The following EPB41 variants were observed in gnomAD, a reference collection of about 807,000 sequenced individuals.
EPB41 encodes the protein erythrocyte membrane protein band 4.1.
In EPB41, 65 loss-of-function variants were observed where a neutral mutation model predicts 108.0. That is an observed-to-expected ratio of 0.60 (90% CI 0.49 to 0.74). EPB41 has a LOEUF of 0.74. Ranked by LOEUF, EPB41 falls within the 30% of genes least tolerant of loss-of-function variation. The probability of loss-of-function intolerance (pLI) is 0.00; values close to 1 mark genes in which losing one functional copy is unlikely to be tolerated. For missense variants in EPB41, 875 were observed against 1,037.0 expected (o/e 0.84, Z 2.15); for synonymous variants, 336 against 358.9 (o/e 0.94, Z 0.72).
At chr1:29,077,589 G>T (rs913578093) in intron 16 of EPB41, among the ~76,000 whole-genome samples, 2 of 152,090 alleles carry the variant, frequency 1.3e-5, no homozygotes, top group African/African-American at 4.8e-5. Context: ...ACTTTTTCTT[G>T]TGTTTTACGT....
intron 1 of EPB41, among the ~76,000 whole-genome samples, chr1:28,952,197 A>C (rs1420193952): frequency 1.3e-5 from 2 of 151,858 alleles, no homozygotes; most frequent in Non-Finnish European, 2.9e-5. Context: ...TCCTGGAGTG[A>C]GGAGATACTT....
intron 1 of EPB41, among the ~76,000 whole-genome samples, chr1:28,979,395 A>C (rs952271366): frequency 6.6e-6 from 1 of 151,300 alleles, no homozygotes; most frequent in Non-Finnish European, 1.5e-5. Context: ...AATACAAGAG[A>C]TCTCCCCTGC....
At chr1:28,949,402 T>C (rs1232600860) in intron 1 of EPB41, among the ~76,000 whole-genome samples, 1 of 152,158 alleles carries the variant, frequency 6.6e-6, no homozygotes, top group East Asian at 1.9e-4. Context: ...ATGGCATCAC[T>C]GCACTCCAGT....
intron 5 of EPB41, among the ~76,000 whole-genome samples, chr1:29,013,721 G>T (rs1161910589): frequency 6.6e-6 from 1 of 151,712 alleles, no homozygotes; most frequent in Non-Finnish European, 1.5e-5. Flanking sequence ...TAGAGACAGG[G>T]TTTCGCCATG....
Position 29,011,905 on chromosome 1 carries a change from G to A in EPB41, c.827G>A (p.Arg276His), listed in dbSNP as rs141150801. The A allele has an allele frequency of 6.4e-5, 104 of 1,613,970 alleles. No individual in the cohort carries two copies. Among genetic ancestry groups the A allele is most frequent in the Non-Finnish European group, 7.8e-5 (92 of 1,179,980 alleles). Reference protein sequence around the residue: ...DSAKEIKKQVRGVPWNFTFNV... With the variant: ...DSAKEIKKQVHGVPWNFTFNV... ...GCCAAAGAAATAAAAAAGCAGGTTC[G>A]TGGTAAGTGGATATAGCTCTTTTTA... The change falls in exon 5 of 21, where the codon CGT becomes CAT. Residue 276 changes from arginine (R) to histidine (H), a missense_variant and splice_region_variant. Transcript: ENST00000343067.
chr1:28,993,135 A>C (rs1398794810), intron 2 of EPB41, among the ~76,000 whole-genome samples, 195 bp from the exon 3 acceptor site: 1 of 152,142 alleles, frequency 6.6e-6, no homozygotes, highest in Non-Finnish European at 1.5e-5. Context: ...ATTCTACCTG[A>C]GAAGTTTTAA....
Position 29,085,141 on chromosome 1 carries a change from C to CTTTTT in EPB41, c.2185-12650_2185-12646dup, listed in dbSNP as rs527593950. On this transcript the variant is annotated intron_variant, in intron 16 of 20. Transcript: ENST00000343067. ...TCAGTTTTGGAAATACTTTGATCTT[C>CTTTTT]TTTTTTTTTTTTTTTTTTTTGAGTT... Among the ~76,000 whole-genome samples the CTTTTT allele has an allele frequency of 1.6e-3, 183 of 117,248 alleles. 1 individual carries two copies. The highest frequency in any genetic ancestry group is 2.0e-3 in the Non-Finnish European group (114 of 56,786). The allele number at this position is 117,248 out of a possible 152,430, so 76.9% of individuals were successfully genotyped here. A position where few individuals can be genotyped will look rare whatever the true frequency, so the allele number is the denominator to read the frequency against.
chr1:28,991,394 T>A, intron 2 of EPB41, among the ~76,000 whole-genome samples: 1 of 151,484 alleles, frequency 6.6e-6, no homozygotes. Flanking sequence ...TGCAATATGG[T>A]GAAGAGGTTT....
intron 4 of EPB41, among the ~76,000 whole-genome samples, chr1:29,004,557 G>A (rs2096364615): frequency 6.6e-6 from 1 of 152,154 alleles, no homozygotes; most frequent in Non-Finnish European, 1.5e-5. Flanking sequence ...GGCAGTCATG[G>A]TTGTATCTTT....
chr1:28,928,624 A>G (rs1309510800), intron 1 of EPB41, among the ~76,000 whole-genome samples: 1 of 152,192 alleles, frequency 6.6e-6, no homozygotes, highest in Non-Finnish European at 1.5e-5. Flanking sequence ...GCCATTTGAT[A>G]CCTGAGAAAA....
chr1:28,991,405 A>C (rs899648853), intron 2 of EPB41, among the ~76,000 whole-genome samples: 8 of 151,998 alleles, frequency 5.3e-5, no homozygotes, highest in Admixed American at 4.6e-4. Flanking sequence ...GAAGAGGTTT[A>C]AAATCATGGA....
At chr1:28,949,373 A>C (rs2094612242) in intron 1 of EPB41, among the ~76,000 whole-genome samples, 1 of 152,130 alleles carries the variant, frequency 6.6e-6, no homozygotes, top group African/African-American at 2.4e-5. Flanking sequence ...AGCCTGGATC[A>C]AGGTTGCTGT....
intron 1 of EPB41, among the ~76,000 whole-genome samples, chr1:28,965,380 T>C (rs538198927): frequency 1.3e-5 from 2 of 152,308 alleles, no homozygotes; most frequent in African/African-American, 4.8e-5. Context: ...TAATTTTTTT[T>C]TTAGAACTTT....
chr1:28,972,536 A>G (rs377460905), intron 1 of EPB41, among the ~76,000 whole-genome samples: 10 of 152,342 alleles, frequency 6.6e-5, no homozygotes, highest in African/African-American at 1.9e-4. Context: ...ACTTAAATTA[A>G]AAACCAAGTT....
At chr1:28,958,630 T>C (rs540615575) in intron 1 of EPB41, among the ~76,000 whole-genome samples, 48 of 151,680 alleles carry the variant, frequency 3.2e-4, no homozygotes, top group African/African-American at 1.0e-3. Context: ...CTGGGCAACA[T>C]GGTGAAACCC....
At chr1:29,073,537 G>A (rs924280855) in intron 16 of EPB41, among the ~76,000 whole-genome samples, 8 of 152,110 alleles carry the variant, frequency 5.3e-5, no homozygotes, top group South Asian at 2.1e-4. Flanking sequence ...AAAGTAAGTC[G>A]TTAAATAGCT....
intron 11 of EPB41, among the ~76,000 whole-genome samples, chr1:29,040,562 T>G (rs1238295082): frequency 2.0e-5 from 3 of 152,170 alleles, no homozygotes; most frequent in Non-Finnish European, 2.9e-5. Context: ...ATTATGGGTG[T>G]GATCCACCAT....
rs1200237821 is a variant in EPB41, at chr1:29,053,181, G to A, written c.1714G>A (p.Gly572Ser). The A allele has an allele frequency of 1.2e-6, 2 of 1,614,208 alleles. No homozygotes were observed. The highest frequency in any genetic ancestry group is 1.7e-6 in the Non-Finnish European group (2 of 1,180,050). Reference sequence around the variant, plus strand: ...CATTACTCAGGGTCAGGTTGCAGAAGGTGGCGTCCTAGATGCCTCTGCTAA... The same window carrying A: ...CATTACTCAGGGTCAGGTTGCAGAAAGTGGCGTCCTAGATGCCTCTGCTAA... Reference protein sequence around the residue: ...PAITQGQVAEGGVLDASAKKT... With the variant: ...PAITQGQVAESGVLDASAKKT... The change falls in exon 12 of 21, where the codon GGT (glycine) becomes AGT (serine). Residue 572 changes from glycine to serine, a missense_variant. By Grantham distance (56) the Gly-to-Ser change is moderately conservative. Transcript: ENST00000343067.
chr1:28,994,151 G>A (rs1235704111), intron 3 of EPB41, among the ~76,000 whole-genome samples: 1 of 151,866 alleles, frequency 6.6e-6, no homozygotes, highest in Non-Finnish European at 1.5e-5. Context: ...TGCTCCTTCA[G>A]GACAAGTTGA....
Sources: allele counts gnomAD v4.1 joint callset (sites outside exome capture counted in the v4.1 genomes callset), GRCh38; gene constraint gnomAD v4.1.1; transcripts MANE v1.5; gene names NCBI Gene and HGNC (gene_info 2026-07-23, HGNC 2026-07-21).